Variants in NUP155 observed in about 807,000 individuals in gnomAD.
NUP155 encodes the protein nucleoporin 155.
In NUP155, 71 loss-of-function variants were observed where a neutral mutation model predicts 180.4. That is an observed-to-expected ratio of 0.39 (90% confidence interval 0.33 to 0.48). The LOEUF (loss-of-function observed/expected upper bound fraction) is 0.48, where lower values mean the gene tolerates loss of function less well. Among genes scored for constraint, NUP155 ranks in the 20% least tolerant of loss-of-function variants. NUP155 has a pLI of 0.91. For missense variants in NUP155, 1,553 were observed against 1,648.9 expected (o/e 0.94, Z 1.01); for synonymous variants, 582 against 559.5 (o/e 1.04, Z -0.57).
chr5:37,365,748 T>TATAC (rs1747535697), intron 1 of NUP155, among the ~76,000 whole-genome samples: 1 of 54,502 alleles, frequency 1.8e-5, no homozygotes, highest in African/African-American at 5.4e-5. Flanking sequence ...AATATATATA[T>TATAC]ATATACACAC....
At chr5:37,301,333 T>C in intron 30 of NUP155, 104 bp downstream of exon 30, 1 of 714,982 alleles carries the variant, frequency 1.4e-6, no homozygotes, top group Non-Finnish European at 2.5e-6. Context: ...ATCTTATTTG[T>C]GGAGATAAGG....
At position 37,335,130 on chromosome 5, in the gene NUP155, C is replaced by T. The variant is rs536984877; in HGVS notation, c.1348-1497G>A. 2.0e-5 allele frequency among the ~76,000 whole-genome samples: 3 copies of T among 149,904 alleles called. No individual in the cohort carries two copies. In the East Asian group the frequency reaches 5.9e-4, roughly 29 times the overall value. ...CCGAGATTGTGCCACTGCACTCCAG[C>T]CTGGACGACAGAACAAGACTCTGTC... On this transcript the variant is annotated intron_variant, in intron 12 of 34. Coordinates refer to ENST00000231498, the MANE Select transcript of NUP155 (RefSeq NM_153485.3).
chr5:37,308,271 G>A (rs1016071700), intron 24 of NUP155, among the ~76,000 whole-genome samples: 9 of 152,080 alleles, frequency 5.9e-5, no homozygotes, highest in African/African-American at 9.7e-5. Context: ...TATACATTTC[G>A]GCTGGGCGCA....
chr5:37,350,080 G>T, intron 7 of NUP155, 80 bp downstream of exon 7: 2 of 960,812 alleles, frequency 2.1e-6, no homozygotes, highest in Non-Finnish European at 3.4e-6. Flanking sequence ...AATTAAGAAT[G>T]ATAATTTCTG....
intron 9 of NUP155, among the ~76,000 whole-genome samples, chr5:37,344,345 G>GAAAA (rs537055020): frequency 1.8e-5 from 1 of 54,108 alleles, no homozygotes; most frequent in Non-Finnish European, 3.9e-5. Context: ...CTGTCTCAAA[G>GAAAA]AAAAAAAAAA....
intron 3 of NUP155, 58 bp downstream of exon 3, chr5:37,363,830 C>G (rs2111718360): frequency 2.7e-6 from 3 of 1,111,808 alleles, no homozygotes; most frequent in Middle Eastern, 3.9e-4. Flanking sequence ...ACACTAGCTA[C>G]AGTAAAGTTT....
At chr5:37,344,217 T>A (rs1017055610) in intron 9 of NUP155, among the ~76,000 whole-genome samples, 1 of 150,986 alleles carries the variant, frequency 6.6e-6, no homozygotes, top group African/African-American at 2.4e-5. Flanking sequence ...GTGGCGCACA[T>A]CTAGAGTCCC....
At chr5:37,342,782 G>A in intron 9 of NUP155, 136 bp from the exon 10 acceptor site, 1 of 650,604 alleles carries the variant, frequency 1.5e-6, no homozygotes, top group South Asian at 1.6e-5. Context: ...TGTCACCCAG[G>A]CTGGAGGAGA....
intron 1 of NUP155, chr5:37,370,607 G>C: frequency 7.1e-7 from 1 of 1,405,524 alleles, no homozygotes. Context: ...CTGGGAGCTT[G>C]CTCTTCACTC....
Position 37,318,043 on chromosome 5 carries a change from A to T in NUP155, c.2250T>A (p.Arg750=). The T allele has an allele frequency of 1.4e-5, 22 of 1,613,090 alleles. No individual in the cohort carries two copies. Among genetic ancestry groups the T allele is most frequent in the Non-Finnish European group, 1.7e-5 (20 of 1,179,030 alleles). The part of the protein sequence containing the change: ...KVQQRLIGFM[R]PENGNPQQMQ... ...TTTGCTGGGGATTTCCGTTTTCAGG[A>T]CGCATGAATCCTATCAGCCTCTGCT... Residue 750 remains arginine, a synonymous_variant, in exon 21 of 35, where the codon CGT becomes CGA. Coordinates refer to ENST00000231498, the MANE Select transcript of NUP155 (RefSeq NM_153485.3).
chr5:37,313,504 T>TGTGTGTGTGTGTGTGA (rs530096354), intron 22 of NUP155, among the ~76,000 whole-genome samples: 2 of 129,182 alleles, frequency 1.5e-5, no homozygotes, highest in African/African-American at 2.9e-5. Flanking sequence ...TGTGTGTGTG[T>TGTGTGTGTGTGTGTGA]GAGAGAGACA....
At chr5:37,329,921 T>C (rs548384411) in intron 15 of NUP155, 117 bp downstream of exon 15, 146 of 727,170 alleles carry the variant, frequency 2.0e-4, no homozygotes, top group Admixed American at 5.0e-4. Context: ...TGAATTTTGG[T>C]AATTTGCCTA....
intron 21 of NUP155, among the ~76,000 whole-genome samples, chr5:37,317,419 C>A (rs1280267645): frequency 6.7e-6 from 1 of 148,636 alleles, no homozygotes; most frequent in Admixed American, 6.7e-5. Flanking sequence ...ACCCAGGAGG[C>A]AGAGGTTGCA....
At chr5:37,307,199 A>G in intron 25 of NUP155, 98 bp downstream of exon 25, 1 of 834,704 alleles carries the variant, frequency 1.2e-6, no homozygotes, top group Non-Finnish European at 1.7e-6. Context: ...CTCTGTCTCA[A>G]AAAAAAAAAA....
At chr5:37,316,551 G>A (rs543862521) in intron 21 of NUP155, among the ~76,000 whole-genome samples, 3 of 152,228 alleles carry the variant, frequency 2.0e-5, no homozygotes, top group Admixed American at 2.0e-4. Context: ...TGCAACCTCC[G>A]CCTGCTGGGT....
Position 37,370,880 on chromosome 5 carries a change from T to G in NUP155, c.98A>C (p.Gln33Pro). Residue 33 changes from glutamine to proline, a missense_variant, in exon 1 of 35, where the codon CAG becomes CCG. By Grantham distance (76) the Gln-to-Pro change is moderately conservative. Transcript: ENST00000231498. Reference sequence around the variant, plus strand: ...CGGGTACATGCGGTCCTCTTGCAACTGACGGTCGATGAGCCGTCCAGCATT... The same window carrying G: ...CGGGTACATGCGGTCCTCTTGCAACGGACGGTCGATGAGCCGTCCAGCATT... Reference protein sequence around the residue: ...LENAGRLIDRQLQEDRMYPDL... With the variant: ...LENAGRLIDRPLQEDRMYPDL... 1 of 1,614,198 alleles carries G rather than the reference T, an allele frequency of 6.2e-7. No individual in the cohort carries two copies. Among genetic ancestry groups the G allele is most frequent in the Non-Finnish European group, 8.5e-7 (1 of 1,180,034 alleles).
intron 12 of NUP155, among the ~76,000 whole-genome samples, chr5:37,337,125 G>T (rs981737161): frequency 2.6e-5 from 4 of 152,098 alleles, no homozygotes; most frequent in Admixed American, 6.6e-5. Flanking sequence ...ATACACTGGG[G>T]ACTAGGATGG....
chr5:37,347,175 C>CA (rs1350420706), intron 9 of NUP155, among the ~76,000 whole-genome samples: 1 of 152,028 alleles, frequency 6.6e-6, no homozygotes, highest in African/African-American at 2.4e-5. Flanking sequence ...TTGCAGCAAG[C>CA]TGAGATGGAG....
At chr5:37,362,780 T>C (rs142549404) in intron 3 of NUP155, among the ~76,000 whole-genome samples, 2 of 152,296 alleles carry the variant, frequency 1.3e-5, no homozygotes, top group African/African-American at 4.8e-5. Context: ...CAATCATACA[T>C]CACTGCTATT....
Sources: allele counts gnomAD v4.1 joint callset (sites outside exome capture counted in the v4.1 genomes callset), GRCh38; gene constraint gnomAD v4.1.1; transcripts MANE v1.5; gene names NCBI Gene and HGNC (gene_info 2026-07-23, HGNC 2026-07-21).